SOX6: variants seen among roughly 807,000 people sequenced by gnomAD.
SOX6 encodes SRY-box transcription factor 6, also known as transcription factor SOX-6.
Under a neutral mutation model 97.8 loss-of-function variants are expected in SOX6, and 11 were observed. The ratio of observed to expected loss-of-function variants is 0.11; its 90% confidence interval spans 0.07 to 0.19. The LOEUF is 0.19. Among genes scored for constraint, SOX6 ranks in the 10% least tolerant of loss-of-function variants. SOX6 has a pLI of 1.00. For synonymous variants in SOX6, 360 were observed against 371.4 expected (o/e 0.97, Z 0.35); for missense variants, 810 against 1,039.5 (o/e 0.78, Z 3.04).
At chr11:16,128,937 C>T (rs545316465) in intron 6 of SOX6, among the ~76,000 whole-genome samples, 7 of 152,040 alleles carry the variant, frequency 4.6e-5, no homozygotes, top group South Asian at 2.1e-4. Context: ...CTCGGCTCAC[C>T]GCAACCTCCA....
chr11:16,303,653 T>TGAAA (rs1233484069), intron 3 of SOX6, among the ~76,000 whole-genome samples: 2 of 152,184 alleles, frequency 1.3e-5, no homozygotes, highest in Non-Finnish European at 2.9e-5. Context: ...TCTAGGTATA[T>TGAAA]GAAAGTCTTG....
intron 9 of SOX6, among the ~76,000 whole-genome samples, chr11:16,063,997 C>G (rs1275807262): frequency 6.6e-6 from 1 of 151,486 alleles, no homozygotes; most frequent in Non-Finnish European, 1.5e-5. Context: ...TCTGAGCTCT[C>G]AAACAGAAAA....
At chr11:16,485,479 C>T (rs1211067785) in intron 4 of SOX6, among the ~76,000 whole-genome samples, 1 of 152,032 alleles carries the variant, frequency 6.6e-6, no homozygotes, top group Admixed American at 6.5e-5. Flanking sequence ...CACCTGTAAT[C>T]CCAGCACTTT....
intron 4 of SOX6, among the ~76,000 whole-genome samples, chr11:16,582,499 T>G (rs527770873): frequency 6.6e-6 from 1 of 152,128 alleles, no homozygotes; most frequent in South Asian, 2.1e-4. Context: ...GTTTGTTGAA[T>G]TTAATTAATC....
At chr11:16,147,299 C>T (rs1196005563) in intron 6 of SOX6, among the ~76,000 whole-genome samples, 1 of 151,800 alleles carries the variant, frequency 6.6e-6, no homozygotes, top group African/African-American at 2.4e-5. Context: ...GGGAATTGAA[C>T]AATGAGAACA....
chr11:16,156,158 A>G (rs2134063247), intron 6 of SOX6, among the ~76,000 whole-genome samples: 1 of 152,160 alleles, frequency 6.6e-6, no homozygotes, highest in South Asian at 2.1e-4. Context: ...ATGATTTCTA[A>G]GAGCCCTATC....
At chr11:16,324,938 G>A (rs1856032198) in intron 2 of SOX6, among the ~76,000 whole-genome samples, 1 of 152,004 alleles carries the variant, frequency 6.6e-6, no homozygotes, top group Non-Finnish European at 1.5e-5. Context: ...GAATAAAGAG[G>A]AGTTGGTTGA....
chr11:16,348,444 C>T (rs552832326), intron 1 of SOX6, among the ~76,000 whole-genome samples: 1 of 152,222 alleles, frequency 6.6e-6, no homozygotes, highest in South Asian at 2.1e-4. Context: ...AGAGGAAACA[C>T]ATCTATCTTC....
intron 3 of SOX6, among the ~76,000 whole-genome samples, chr11:16,661,450 G>A (rs1847764865): frequency 6.6e-6 from 1 of 152,068 alleles, no homozygotes; most frequent in Non-Finnish European, 1.5e-5. Context: ...TGATGTATTT[G>A]GATTAACATC....
rs187860439 is a variant in SOX6, at chr11:16,698,746, G to C, written n.429+16084C>G. Among the ~76,000 whole-genome samples, 410 of 152,312 alleles carry C rather than the reference G, an allele frequency of 2.7e-3. 1 individual carries two copies. Among genetic ancestry groups the C allele is most frequent in the African/African-American group, 9.2e-3 (383 of 41,568 alleles). On this transcript the variant is annotated intron_variant and non_coding_transcript_variant, in intron 3 of 5. Transcript: ENST00000524520. ...ATATTGTTGTGTTTCAGGGAATAGAGAGGACTGAGGAGAGGGAGAGAGACA... is the reference window on the plus strand; with the variant it reads ...ATATTGTTGTGTTTCAGGGAATAGACAGGACTGAGGAGAGGGAGAGAGACA...
At chr11:16,690,868 G>C (rs1031353233) in intron 3 of SOX6, among the ~76,000 whole-genome samples, 1 of 152,172 alleles carries the variant, frequency 6.6e-6, no homozygotes, top group African/African-American at 2.4e-5. Context: ...TTATTGTTAG[G>C]CTTTAGTAAG....
intron 4 of SOX6, among the ~76,000 whole-genome samples, chr11:16,201,703 G>T (rs1191021114): frequency 7.9e-6 from 1 of 126,416 alleles, no homozygotes; most frequent in African/African-American, 3.1e-5. Context: ...GCGGGATCTC[G>T]GCTCACTGCA....
chr11:16,318,080 C>T, intron 3 of SOX6: 2 of 399,240 alleles, frequency 5.0e-6, no homozygotes, highest in South Asian at 2.0e-5. Context: ...AAACAGTTGA[C>T]ATTTTTATAA....
chr11:16,195,802 A>G (rs1851757086), intron 4 of SOX6, among the ~76,000 whole-genome samples: 1 of 152,190 alleles, frequency 6.6e-6, no homozygotes, highest in Non-Finnish European at 1.5e-5. Flanking sequence ...TACAATATTT[A>G]CAACACCCAT....
At chr11:16,332,078 T>A (rs555302924) in intron 2 of SOX6, among the ~76,000 whole-genome samples, 1 of 152,182 alleles carries the variant, frequency 6.6e-6, no homozygotes, top group Admixed American at 6.5e-5. Flanking sequence ...GCAAAAGAAA[T>A]AAACTATAAT....
chr11:16,594,684 C>CTTTTTTTTTTTTTTTTTGTTTTTTTTTT (rs1848191365), intron 4 of SOX6, among the ~76,000 whole-genome samples: 1 of 68,264 alleles, frequency 1.5e-5, no homozygotes, highest in African/African-American at 6.2e-5. Context: ...TCGGTTTTTG[C>CTTTTTTTTTTTTTTTTTGTTTTTTTTTT]TTTTTTTTTT....
chr11:16,451,593 C>T (rs1201594158), intron 1 of SOX6, among the ~76,000 whole-genome samples: 2 of 152,164 alleles, frequency 1.3e-5, no homozygotes, highest in Non-Finnish European at 2.9e-5. Context: ...GTCCTTCAGC[C>T]ATATAAGTTG....
At chr11:16,583,429 T>C (rs539557254) in intron 4 of SOX6, among the ~76,000 whole-genome samples, 1 of 151,234 alleles carries the variant, frequency 6.6e-6, no homozygotes, top group Non-Finnish European at 1.5e-5. Flanking sequence ...ACCTCTCCTA[T>C]CCCCTCTGCT....
chr11:16,086,724 T>G (rs1291470151), intron 9 of SOX6, among the ~76,000 whole-genome samples: 1 of 152,090 alleles, frequency 6.6e-6, no homozygotes, highest in Non-Finnish European at 1.5e-5. Flanking sequence ...ATACTAAACA[T>G]TTTCCTAAAG....
Sources: allele counts gnomAD v4.1 joint callset (sites outside exome capture counted in the v4.1 genomes callset), GRCh38; gene constraint gnomAD v4.1.1; transcripts MANE v1.5; gene names NCBI Gene and HGNC (gene_info 2026-07-23, HGNC 2026-07-21).